Variants in PPARGC1A observed in about 807,000 individuals in gnomAD.
PPARGC1A encodes PPARG coactivator 1 alpha.
A neutral mutation model predicts 88.7 loss-of-function variants in PPARGC1A; 25 were observed. The ratio of observed to expected loss-of-function variants is 0.28; its 90% CI spans 0.21 to 0.39. The LOEUF (loss-of-function observed/expected upper bound fraction) is 0.39. Among genes scored for constraint, PPARGC1A ranks in the 10% least tolerant of loss-of-function variants. PPARGC1A has a pLI of 1.00. For synonymous variants in PPARGC1A, 363 were observed against 355.6 expected, an observed-to-expected ratio of 1.02 and a Z score of -0.24; for missense variants, 880 against 968.7, an observed-to-expected ratio of 0.91 and a Z score of 1.22.
the PPARGC1A span, among the ~76,000 whole-genome samples, chr4:23,927,790 C>T: frequency 2.0e-5 from 3 of 152,328 alleles, no homozygotes; most frequent in East Asian, 5.8e-4. Context: ...TTGTACTACA[C>T]TGTCCACAAT....
intron 7 of PPARGC1A, among the ~76,000 whole-genome samples, chr4:23,815,706 G>C (rs59976836): frequency 1.0e-3 from 157 of 152,256 alleles, no homozygotes; most frequent in Non-Finnish European, 2.0e-3. Context: ...CAGAGTCCAA[G>C]GAACTTTGAA....
At chr4:23,894,201 G>A (rs2148864032), upstream of PPARGC1A, among the ~76,000 whole-genome samples, 1 of 152,208 alleles carries the variant, frequency 6.6e-6, no homozygotes, top group South Asian at 2.1e-4. Flanking sequence ...CCTGCCTAGA[G>A]CATTCGTCCA....
the PPARGC1A span, among the ~76,000 whole-genome samples, chr4:24,363,210 A>C: frequency 6.6e-6 from 1 of 152,202 alleles, no homozygotes; most frequent in East Asian, 1.9e-4. Context: ...CGGTTATAGA[A>C]CACATTTCAT....
At chr4:24,249,527 G>T in the PPARGC1A span, among the ~76,000 whole-genome samples, 1 of 152,164 alleles carries the variant, frequency 6.6e-6, no homozygotes, top group Non-Finnish European at 1.5e-5. Flanking sequence ...GACACTCAGG[G>T]TCTCGCGCCA....
At chr4:23,910,343 ATATATTATATATATTATATATATTATAT>A in the PPARGC1A span, among the ~76,000 whole-genome samples, 1 of 58,874 alleles carries the variant, frequency 1.7e-5, no homozygotes, top group Non-Finnish European at 2.8e-5. Flanking sequence ...TATATATATT[ATATATTATATATATTATATATATTATAT>A]TATATTATAT....
intron 10 of PPARGC1A, among the ~76,000 whole-genome samples, chr4:23,803,779 T>C (rs1353758813): frequency 6.6e-6 from 1 of 152,220 alleles, no homozygotes; most frequent in Non-Finnish European, 1.5e-5. Context: ...AGCAGAGAAC[T>C]GAGGTACAGA....
chr4:23,979,974 G>GAGGGATGGGTAGGAGGAATTA, the PPARGC1A span, among the ~76,000 whole-genome samples: 8 of 152,154 alleles, frequency 5.3e-5, no homozygotes, highest in East Asian at 1.6e-3. Context: ...CTCCTAGCCA[G>GAGGGATGGGTAGGAGGAATTA]GGGGTAATTA....
the PPARGC1A span, among the ~76,000 whole-genome samples, chr4:23,995,644 C>T: frequency 1.3e-5 from 2 of 152,170 alleles, no homozygotes; most frequent in Non-Finnish European, 2.9e-5. Flanking sequence ...CTGGAACCCT[C>T]ATTTCACCCT....
chr4:24,300,695 T>C, the PPARGC1A span, among the ~76,000 whole-genome samples: 1 of 152,080 alleles, frequency 6.6e-6, no homozygotes, highest in Non-Finnish European at 1.5e-5. Context: ...CCAATTTCAT[T>C]TGGATCACCA....
the PPARGC1A span, among the ~76,000 whole-genome samples, chr4:24,431,243 G>A: frequency 2.6e-5 from 4 of 152,132 alleles, no homozygotes; most frequent in Admixed American, 1.3e-4. Context: ...CAGTGGGGAT[G>A]CAGGAGAGAT....
At chr4:23,984,425 C>G in the PPARGC1A span, among the ~76,000 whole-genome samples, 1 of 152,080 alleles carries the variant, frequency 6.6e-6, no homozygotes, top group African/African-American at 2.4e-5. Context: ...TTCCAACTTC[C>G]AGTGGGGATA....
the PPARGC1A span, among the ~76,000 whole-genome samples, chr4:24,152,427 T>C: frequency 3.9e-5 from 6 of 152,208 alleles, no homozygotes; most frequent in East Asian, 1.2e-3. Context: ...AAGTGTTCCT[T>C]TTTACACAAT....
At chr4:24,038,478 G>A in the PPARGC1A span, among the ~76,000 whole-genome samples, 1 of 152,168 alleles carries the variant, frequency 6.6e-6, no homozygotes, top group Non-Finnish European at 1.5e-5. Flanking sequence ...CAGGGACCAT[G>A]TTCTAGAGTA....
intron 1 of PPARGC1A, among the ~76,000 whole-genome samples, chr4:23,895,735 G>A (rs1718478367): frequency 6.6e-6 from 1 of 151,908 alleles, no homozygotes; most frequent in South Asian, 2.1e-4. Context: ...GAGCAAGCAG[G>A]CAATATATAT....
At chr4:24,467,661 C>CA in the PPARGC1A span, among the ~76,000 whole-genome samples, 953 of 112,750 alleles carry the variant, frequency 8.5e-3, 4 homozygotes, top group Non-Finnish European at 0.01. Context: ...AATGCCAAGC[C>CA]AAAAAAAAAA....
chr4:24,135,008 G>A, the PPARGC1A span, among the ~76,000 whole-genome samples: 4 of 152,122 alleles, frequency 2.6e-5, no homozygotes, highest in African/African-American at 9.7e-5. Context: ...TGCTCACAGG[G>A]CTAGCTCGGA....
the PPARGC1A span, among the ~76,000 whole-genome samples, chr4:24,249,433 C>T: frequency 2.6e-5 from 4 of 152,146 alleles, no homozygotes; most frequent in Non-Finnish European, 5.9e-5. Context: ...AGGCCTTGCC[C>T]GTGGTTGTTT....
chr4:24,143,073 T>C, the PPARGC1A span, among the ~76,000 whole-genome samples: 499 of 152,276 alleles, frequency 3.3e-3, 2 homozygotes, highest in African/African-American at 0.011. Flanking sequence ...ACTATACCAA[T>C]TGAAAAACAT....
the PPARGC1A span, among the ~76,000 whole-genome samples, chr4:24,393,040 CACACACA>C: frequency 3.3e-5 from 5 of 151,458 alleles, no homozygotes; most frequent in Non-Finnish European, 5.9e-5. Context: ...CACACACACA[CACACACA>C]CCCCTTTTTC....
Sources: allele counts gnomAD v4.1 joint callset (sites outside exome capture counted in the v4.1 genomes callset), GRCh38; gene constraint gnomAD v4.1.1; transcripts MANE v1.5; gene names NCBI Gene and HGNC (gene_info 2026-07-23, HGNC 2026-07-21).